PTPRD: variants seen among roughly 807,000 people sequenced by gnomAD.
PTPRD encodes protein tyrosine phosphatase receptor type D.
Under a neutral mutation model 214.5 loss-of-function variants are expected in PTPRD, and 34 were observed. The observed-to-expected ratio is 0.16, with a 90% CI of 0.12 to 0.21. The LOEUF (loss-of-function observed/expected upper bound fraction) is 0.21, where lower values mean the gene tolerates loss of function less well. Among genes scored for constraint, PTPRD ranks in the 10% least tolerant of loss-of-function variants. The pLI is 1.00. For missense variants in PTPRD, 2,545 were observed against 2,398.7 expected, an observed-to-expected ratio of 1.06 and a Z score of -1.27; for synonymous variants, 1,128 against 845.7, an observed-to-expected ratio of 1.33 and a Z score of -5.79.
At chr9:8,403,579 A>G (rs1374068284) in intron 36 of PTPRD, among the ~76,000 whole-genome samples, 1 of 152,210 alleles carries the variant, frequency 6.6e-6, no homozygotes, top group Non-Finnish European at 1.5e-5. Context: ...AATATGCCAC[A>G]CAAAAGGGAT....
intron 9 of PTPRD, among the ~76,000 whole-genome samples, chr9:9,382,063 C>T (rs1050971491): frequency 3.9e-5 from 6 of 152,108 alleles, no homozygotes; most frequent in Admixed American, 1.3e-4. Context: ...ACCATCAATG[C>T]TCTGTAGTTT....
chr9:10,473,000 G>A (rs1335428212), intron 2 of PTPRD, among the ~76,000 whole-genome samples: 3 of 151,752 alleles, frequency 2.0e-5, no homozygotes, highest in African/African-American at 7.3e-5. Context: ...ATTTCTTAAT[G>A]TATTAAACAT....
chr9:8,592,377 G>C (rs1436837402), intron 14 of PTPRD, among the ~76,000 whole-genome samples: 1 of 152,136 alleles, frequency 6.6e-6, no homozygotes, highest in Non-Finnish European at 1.5e-5. Flanking sequence ...CAGTGATAAT[G>C]AACAATAGTG....
At chr9:9,373,478 A>G (rs955384356) in intron 9 of PTPRD, among the ~76,000 whole-genome samples, 2 of 152,092 alleles carry the variant, frequency 1.3e-5, no homozygotes, top group Non-Finnish European at 2.9e-5. Flanking sequence ...GAATTCTGAA[A>G]TGAGTCTTAT....
intron 5 of PTPRD, among the ~76,000 whole-genome samples, chr9:9,821,877 T>C (rs1391653296): frequency 6.6e-6 from 1 of 150,778 alleles, no homozygotes; most frequent in African/African-American, 2.4e-5. Flanking sequence ...TGCCTGTATA[T>C]GTATGTGTGC....
At chr9:10,060,858 TTCC>T (rs2097757477) in intron 3 of PTPRD, among the ~76,000 whole-genome samples, 3 of 118,396 alleles carry the variant, frequency 2.5e-5, no homozygotes, top group African/African-American at 2.0e-4. Flanking sequence ...CCTTTCTTTC[TTCC>T]TTCCTTCTTT....
chr9:9,612,286 C>A (rs902294838), intron 7 of PTPRD, among the ~76,000 whole-genome samples: 1 of 152,188 alleles, frequency 6.6e-6, no homozygotes, highest in African/African-American at 2.4e-5. Context: ...TTCTCAGATG[C>A]GAATAGTACA....
intron 14 of PTPRD, among the ~76,000 whole-genome samples, chr9:8,632,558 G>A (rs574183684): frequency 1.3e-5 from 2 of 151,858 alleles, no homozygotes; most frequent in Admixed American, 6.6e-5. Flanking sequence ...CAACTGTGAG[G>A]TGCCTAATTG....
At chr9:10,555,347 A>G (rs945579895) in intron 2 of PTPRD, among the ~76,000 whole-genome samples, 1 of 152,220 alleles carries the variant, frequency 6.6e-6, no homozygotes, top group Non-Finnish European at 1.5e-5. Context: ...ACGTTTTATC[A>G]TATACCTAAA....
chr9:10,285,316 C>G (rs1042249895), intron 3 of PTPRD, among the ~76,000 whole-genome samples: 1 of 152,100 alleles, frequency 6.6e-6, no homozygotes, highest in South Asian at 2.1e-4. Flanking sequence ...AAAACGACTG[C>G]ATTTTTTATT....
intron 21 of PTPRD, among the ~76,000 whole-genome samples, chr9:8,508,387 G>C (rs1473988387): frequency 6.6e-6 from 1 of 152,188 alleles, no homozygotes; most frequent in Non-Finnish European, 1.5e-5. Flanking sequence ...GGCTGAGTCA[G>C]GGTGTCGCTG....
intron 8 of PTPRD, among the ~76,000 whole-genome samples, chr9:9,564,509 G>A (rs192267225): frequency 1.4e-4 from 21 of 152,088 alleles, no homozygotes; most frequent in East Asian, 1.4e-3. Context: ...GCTGAGGTTC[G>A]TGAATTCACA....
chr9:9,845,933 G>A (rs1246145662), intron 5 of PTPRD, among the ~76,000 whole-genome samples: 1 of 152,034 alleles, frequency 6.6e-6, no homozygotes, highest in African/African-American at 2.4e-5. Context: ...AAGGAGCAGA[G>A]TAACTCAAAG....
intron 5 of PTPRD, among the ~76,000 whole-genome samples, chr9:9,920,254 A>T (rs1278519823): frequency 1.3e-5 from 2 of 152,104 alleles, no homozygotes; most frequent in East Asian, 3.9e-4. Context: ...TGGTCTGGAT[A>T]ATTTGCACAC....
chr9:9,987,167 CT>C (rs2095744163), intron 4 of PTPRD, among the ~76,000 whole-genome samples: 1 of 152,114 alleles, frequency 6.6e-6, no homozygotes, highest in Non-Finnish European at 1.5e-5. Context: ...AACCTTTTCT[CT>C]GGGTAGGCTG....
At chr9:9,275,081 T>A (rs1260890467) in intron 9 of PTPRD, among the ~76,000 whole-genome samples, 1,385 of 69,948 alleles carry the variant, frequency 0.02, 22 homozygotes, top group Non-Finnish European at 0.031. Context: ...TATATATATA[T>A]AATATATATG....
intron 9 of PTPRD, among the ~76,000 whole-genome samples, chr9:9,195,436 A>C (rs2099937979): frequency 1.3e-5 from 2 of 152,148 alleles, no homozygotes; most frequent in African/African-American, 4.8e-5. Context: ...AATACAGGCC[A>C]ATTGGTCATA....
At chr9:8,979,686 G>C (rs2099296506) in intron 11 of PTPRD, among the ~76,000 whole-genome samples, 1 of 152,018 alleles carries the variant, frequency 6.6e-6, no homozygotes, top group African/African-American at 2.4e-5. Flanking sequence ...ACCAGTATCA[G>C]ATATTACCTC....
intron 7 of PTPRD, among the ~76,000 whole-genome samples, chr9:9,696,041 G>C (rs139330514): frequency 1.3e-5 from 2 of 152,038 alleles, no homozygotes; most frequent in African/African-American, 2.4e-5. Context: ...TTTGATGGGA[G>C]ACTTTTTATT....
Sources: gnomAD v4.1 joint callset for allele counts (sites outside exome capture counted in the v4.1 genomes callset) on GRCh38, gnomAD v4.1.1 for gene constraint, MANE v1.5 for transcripts, NCBI Gene and HGNC (gene_info 2026-07-23, HGNC 2026-07-21) for gene names.